The following COL28A1 variants were observed in gnomAD, a reference collection of about 807,000 sequenced individuals.
COL28A1 encodes the protein collagen alpha-1(XXVIII) chain.
A neutral mutation model predicts 150.2 loss-of-function variants in COL28A1; 161 were observed. That is an observed-to-expected ratio of 1.07 (90% confidence interval 0.94 to 1.22). COL28A1 has a LOEUF of 1.22. Among genes scored for constraint, COL28A1 ranks in the 50% most tolerant of loss-of-function variants. The pLI is 0.00. For missense variants in COL28A1, 1,617 were observed against 1,388.3 expected (o/e 1.16, Z -2.62); for synonymous variants, 552 against 469.7 (o/e 1.18, Z -2.26).
At chr7:7,393,523 G>C (rs1782666305) in intron 27 of COL28A1, among the ~76,000 whole-genome samples, 6 of 152,230 alleles carry the variant, frequency 3.9e-5, no homozygotes, top group Admixed American at 3.3e-4. Flanking sequence ...CAGCAGGCAG[G>C]GATGTTTAAG....
At chr7:7,448,600 A>T (rs898193174) in intron 18 of COL28A1, among the ~76,000 whole-genome samples, 2 of 151,742 alleles carry the variant, frequency 1.3e-5, no homozygotes, top group Non-Finnish European at 2.9e-5. Flanking sequence ...AAACACATAT[A>T]AAAATGTTCA....
At chr7:7,444,343 C>G in intron 19 of COL28A1, 75 bp downstream of exon 19, 1 of 1,588,556 alleles carries the variant, frequency 6.3e-7, no homozygotes, top group Non-Finnish European at 8.6e-7. Flanking sequence ...TGGTTTTATT[C>G]GAGCTCCTGC....
the COL28A1 span, among the ~76,000 whole-genome samples, chr7:7,347,585 G>A: frequency 1.3e-5 from 2 of 152,058 alleles, no homozygotes; most frequent in African/African-American, 2.4e-5. Context: ...TATTTGTGCT[G>A]TTAGTAAATA....
chr7:7,501,043 A>G (rs990821694), intron 11 of COL28A1, among the ~76,000 whole-genome samples: 1 of 152,228 alleles, frequency 6.6e-6, no homozygotes, highest in African/African-American at 2.4e-5. Flanking sequence ...ATATCCATTT[A>G]TTAAACTGGG....
chr7:7,417,897 G>T lies in COL28A1; in HGVS notation c.2098C>A (p.Pro700Thr). The T allele has an allele frequency of 1.2e-6, 2 of 1,613,386 alleles. No individual in the cohort carries two copies. Among genetic ancestry groups the T allele is most frequent in the Non-Finnish European group, 1.7e-6 (2 of 1,179,650 alleles). ...GDTGQKGLPG[P>T]PGPPGYGSQG... The stretch of plus-strand genomic sequence containing the variant: ...GATCCATAGCCAGGGGGGCCAGGAG[G>T]GCCAGGCAAGCCTTTCTGCCCAGTA... The change falls in exon 27 of 35, where the codon CCT (proline) becomes ACT (threonine). Residue 700 changes from proline to threonine, a missense_variant. Pro to Thr is a conservative substitution (Grantham distance 38). Transcript: ENST00000399429.
upstream of COL28A1, among the ~76,000 whole-genome samples, chr7:7,540,010 T>C (rs1408030349): frequency 6.6e-6 from 1 of 152,200 alleles, no homozygotes; most frequent in Non-Finnish European, 1.5e-5. Context: ...TTTTCAATAT[T>C]AATATTTCTT....
intron 15 of COL28A1, among the ~76,000 whole-genome samples, chr7:7,458,226 G>A (rs1197994116): frequency 6.6e-6 from 1 of 152,144 alleles, no homozygotes; most frequent in African/African-American, 2.4e-5. Flanking sequence ...AGACCAGCCT[G>A]ACCAACATGG....
intron 11 of COL28A1, among the ~76,000 whole-genome samples, chr7:7,500,374 A>G (rs1184825887): frequency 1.3e-5 from 2 of 152,222 alleles, no homozygotes; most frequent in Non-Finnish European, 2.9e-5. Context: ...TAGTGTGCAA[A>G]GCAGAATTTT....
intron 30 of COL28A1, among the ~76,000 whole-genome samples, chr7:7,379,623 G>T (rs182046339): frequency 6.6e-6 from 1 of 152,238 alleles, no homozygotes; most frequent in East Asian, 1.9e-4. Context: ...TCCAGAGTAA[G>T]GTTTACTGGA....
downstream of COL28A1, among the ~76,000 whole-genome samples, chr7:7,353,778 A>C (rs1206363314): frequency 6.6e-6 from 1 of 152,144 alleles, no homozygotes; most frequent in Non-Finnish European, 1.5e-5. Flanking sequence ...AATTGTGAAA[A>C]GCTTGAACAA....
At chr7:7,436,179 T>C (rs1785328302) in intron 23 of COL28A1, among the ~76,000 whole-genome samples, 2 of 152,134 alleles carry the variant, frequency 1.3e-5, no homozygotes, top group Non-Finnish European at 2.9e-5. Flanking sequence ...AATTGTCTAA[T>C]CAGCAAAAAT....
chr7:7,526,628 C>G (rs1050790354), intron 3 of COL28A1, among the ~76,000 whole-genome samples: 1 of 151,954 alleles, frequency 6.6e-6, no homozygotes, highest in African/African-American at 2.4e-5. Flanking sequence ...TAACAATGAG[C>G]AATATCTTTT....
intron 13 of COL28A1, among the ~76,000 whole-genome samples, chr7:7,488,491 A>G (rs972532054): frequency 2.0e-5 from 3 of 152,338 alleles, no homozygotes; most frequent in Admixed American, 2.0e-4. Flanking sequence ...TGAGTCAGCT[A>G]CTATTTTTCC....
chr7:7,519,822 A>G (rs535185812), intron 6 of COL28A1, among the ~76,000 whole-genome samples: 19 of 152,274 alleles, frequency 1.2e-4, no homozygotes, highest in African/African-American at 4.1e-4. Context: ...TGTTTATTCA[A>G]TGTCCCTAGG....
intron 27 of COL28A1, among the ~76,000 whole-genome samples, chr7:7,405,930 T>C (rs1273456518): frequency 6.6e-6 from 1 of 152,128 alleles, no homozygotes; most frequent in African/African-American, 2.4e-5. Flanking sequence ...ATATATACCC[T>C]ATCATGGGGC....
chr7:7,363,114 A>G (rs1006344799), intron 33 of COL28A1, among the ~76,000 whole-genome samples: 38 of 152,318 alleles, frequency 2.5e-4, no homozygotes, highest in African/African-American at 9.1e-4. Flanking sequence ...GCAACAAATA[A>G]AAGTTTGAGG....
intron 27 of COL28A1, among the ~76,000 whole-genome samples, chr7:7,388,824 A>T (rs193282243): frequency 1.3e-5 from 2 of 152,200 alleles, no homozygotes; most frequent in Admixed American, 1.3e-4. Context: ...GTCTGTTCAT[A>T]TCCTTCACCC....
At chr7:7,496,002 C>T (rs909628296) in intron 11 of COL28A1, among the ~76,000 whole-genome samples, 1 of 152,142 alleles carries the variant, frequency 6.6e-6, no homozygotes, top group East Asian at 1.9e-4. Flanking sequence ...GCTCCTCCTG[C>T]CACAGGATCT....
At chr7:7,454,691 C>A (rs534793389) in intron 16 of COL28A1, among the ~76,000 whole-genome samples, 145 of 152,204 alleles carry the variant, frequency 9.5e-4, no homozygotes, top group Non-Finnish European at 1.7e-3. Context: ...ATATTTAGCC[C>A]CATAGTGGTC....
Sources: allele counts gnomAD v4.1 joint callset (sites outside exome capture counted in the v4.1 genomes callset), GRCh38; gene constraint gnomAD v4.1.1; transcripts MANE v1.5; gene names NCBI Gene and HGNC (gene_info 2026-07-23, HGNC 2026-07-21).